SGCD: variants seen among roughly 807,000 people sequenced by gnomAD.
The protein encoded by SGCD is sarcoglycan delta.
SGCD carries 18 observed loss-of-function variants against 36.6 expected under a neutral mutation model. That is an observed-to-expected ratio of 0.49 (90% confidence interval 0.34 to 0.73). The LOEUF is 0.73. Among genes scored for constraint, SGCD ranks in the 30% least tolerant of loss-of-function variants. The pLI is 0.01. For synonymous variants in SGCD, 133 were observed against 130.6 expected, an observed-to-expected ratio of 1.02 and a Z score of -0.12; for missense variants, 387 against 346.7, an observed-to-expected ratio of 1.12 and a Z score of -0.92.
the SGCD span, among the ~76,000 whole-genome samples, chr5:155,765,738 A>G: frequency 3.9e-5 from 6 of 152,122 alleles, no homozygotes; most frequent in African/African-American, 1.4e-4. Context: ...CAAAAACAAT[A>G]AAGAGATAGT....
chr5:156,129,230 A>T (rs924466879), intron 3 of SGCD, among the ~76,000 whole-genome samples: 3 of 152,110 alleles, frequency 2.0e-5, no homozygotes, highest in African/African-American at 7.2e-5. Context: ...GCCATTAATT[A>T]CATACTTTGT....
intron 3 of SGCD, among the ~76,000 whole-genome samples, chr5:156,423,823 A>G (rs977270649): frequency 3.3e-5 from 5 of 151,944 alleles, no homozygotes; most frequent in African/African-American, 9.7e-5. Context: ...TCTGTGCCCT[A>G]GCTTTGTCAT....
At chr5:156,707,194 T>TG (rs948442722) in intron 7 of SGCD, among the ~76,000 whole-genome samples, 53 of 152,326 alleles carry the variant, frequency 3.5e-4, no homozygotes, top group African/African-American at 1.3e-3. Flanking sequence ...TATAAATTAA[T>TG]ATTTGTTTTC....
At position 155,961,507 on chromosome 5, in the gene SGCD, G is replaced by A. The variant is rs73810361; in HGVS notation, c.-282+91083G>A. The stretch of plus-strand genomic sequence containing the variant: ...GCTCCCTTTGGCATTTAATTGGTCG[G>A]CAGTTTAACATTTCAGCCAACAAAC... On this transcript the variant is annotated intron_variant, in intron 1 of 9. Coordinates refer to the SGCD transcript ENST00000517913. Among the ~76,000 whole-genome samples the A allele has an allele frequency of 4.2e-3, 640 of 152,132 alleles. 2 individuals are homozygous for A. The highest frequency in any genetic ancestry group is 0.014 in the African/African-American group (598 of 41,510).
chr5:156,249,760 A>G (rs1765530283), intron 3 of SGCD, among the ~76,000 whole-genome samples: 1 of 152,158 alleles, frequency 6.6e-6, no homozygotes, highest in South Asian at 2.1e-4. Flanking sequence ...TGCCTGCTAC[A>G]TACAAAGAAC....
At chr5:155,950,818 A>G (rs72805689) in intron 1 of SGCD, among the ~76,000 whole-genome samples, 2,161 of 152,298 alleles carry the variant, frequency 0.014, 35 homozygotes, top group Non-Finnish European at 0.025. Context: ...TACTCTTCAA[A>G]TAGTTGGAGT....
chr5:156,220,679 C>T (rs1764696996), intron 3 of SGCD, among the ~76,000 whole-genome samples: 3 of 152,090 alleles, frequency 2.0e-5, no homozygotes, highest in Non-Finnish European at 2.9e-5. Flanking sequence ...AACATGGACA[C>T]CTACCAGTCA....
chr5:156,075,369 C>T (rs1381485217), intron 1 of SGCD, among the ~76,000 whole-genome samples: 1 of 151,850 alleles, frequency 6.6e-6, no homozygotes, highest in Non-Finnish European at 1.5e-5. Context: ...AAACTACAAA[C>T]ATTTGACATA....
intron 6 of SGCD, among the ~76,000 whole-genome samples, chr5:156,602,309 A>T (rs955697195): frequency 1.3e-5 from 2 of 151,424 alleles, no homozygotes; most frequent in African/African-American, 4.9e-5. Flanking sequence ...CCCACAACTG[A>T]TTAGAATTGA....
intron 3 of SGCD, among the ~76,000 whole-genome samples, chr5:156,183,030 A>G (rs1239054332): frequency 6.6e-6 from 1 of 152,158 alleles, no homozygotes; most frequent in Non-Finnish European, 1.5e-5. Context: ...CTGTAATCCT[A>G]GCACATTGGG....
chr5:155,830,495 T>C, the SGCD span, among the ~76,000 whole-genome samples: 2 of 151,998 alleles, frequency 1.3e-5, no homozygotes, highest in Non-Finnish European at 2.9e-5. Flanking sequence ...AGGGGGAGAG[T>C]GTTCAATCCA....
chr5:156,170,874 G>T (rs756806436), intron 3 of SGCD, among the ~76,000 whole-genome samples: 2 of 152,110 alleles, frequency 1.3e-5, no homozygotes, highest in African/African-American at 4.8e-5. Flanking sequence ...CTAGTTCTCC[G>T]CACATGACTT....
intron 3 of SGCD, among the ~76,000 whole-genome samples, chr5:156,471,367 G>A (rs923339071): frequency 8.5e-5 from 13 of 152,092 alleles, no homozygotes; most frequent in African/African-American, 3.1e-4. Flanking sequence ...AAAGAAAAAT[G>A]TTGAAGAACT....
At chr5:156,655,006 G>A (rs541996197) in intron 7 of SGCD, among the ~76,000 whole-genome samples, 3 of 152,214 alleles carry the variant, frequency 2.0e-5, no homozygotes, top group Admixed American at 6.5e-5. Context: ...TTGTTAAGAG[G>A]TGAATTTATA....
chr5:155,729,839 G>T, the SGCD span, among the ~76,000 whole-genome samples: 1 of 152,224 alleles, frequency 6.6e-6, no homozygotes, highest in African/African-American at 2.4e-5. Flanking sequence ...GTTTCAACTT[G>T]CAGGCAACTG....
In SGCD at chr5:155,889,413, A is replaced by G. The variant is rs149762606; in HGVS notation, c.-282+18989A>G. ...TATAAAGAAGTTTGGGGCTCCACAC[A>G]AAAGCCTTATCATTCTTCAAAGAGG... On this transcript the variant is annotated intron_variant, in intron 1 of 9. Coordinates refer to the SGCD transcript ENST00000517913. Among the ~76,000 whole-genome samples, 526 of 152,308 alleles carry G rather than the reference A, an allele frequency of 3.5e-3. 1 individual carries two copies. Among genetic ancestry groups the G allele is most frequent in the South Asian group, 9.1e-3 (44 of 4,824 alleles).
intron 1 of SGCD, among the ~76,000 whole-genome samples, chr5:156,005,486 A>T (rs995299794): frequency 2.0e-5 from 3 of 152,028 alleles, no homozygotes; most frequent in East Asian, 1.9e-4. Context: ...AGTCTCGCTC[A>T]GTCGCCCAGG....
chr5:156,199,475 G>C (rs1764092905), intron 3 of SGCD, among the ~76,000 whole-genome samples: 1 of 152,050 alleles, frequency 6.6e-6, no homozygotes, highest in Non-Finnish European at 1.5e-5. Context: ...TAAAAGGCAG[G>C]TTGCTGTCTC....
rs573554155 is a variant in SGCD at position 155,946,521 on chromosome 5, TA to T, written c.-282+76106del. On this transcript the variant is annotated intron_variant, in intron 1 of 9. Coordinates refer to the SGCD transcript ENST00000517913. The stretch of plus-strand genomic sequence containing the variant: ...TTTTCCAAATGGTATTTTGAATCAT[TA>T]AAAAAAAATTAATGCAAATAGGGTT... 6.0e-3 allele frequency among the ~76,000 whole-genome samples: 913 copies of T among 151,360 alleles called. 6 individuals are homozygous for T. The highest frequency in any genetic ancestry group is 9.0e-3 in the Non-Finnish European group (608 of 67,762).
Sources: allele counts gnomAD v4.1 joint callset (sites outside exome capture counted in the v4.1 genomes callset), GRCh38; gene constraint gnomAD v4.1.1; transcripts MANE v1.5; gene names NCBI Gene and HGNC (gene_info 2026-07-23, HGNC 2026-07-21).